CC2D2A: variants seen among roughly 807,000 people sequenced by gnomAD.
CC2D2A encodes coiled-coil and C2 domain containing 2A, also known as coiled-coil and C2 domain-containing protein 2A.
In CC2D2A, 155 loss-of-function variants were observed where a neutral mutation model predicts 212.9. That is an observed-to-expected ratio of 0.73 (90% CI 0.64 to 0.83). The LOEUF (loss-of-function observed/expected upper bound fraction) is 0.83. Ranked by LOEUF, CC2D2A falls within the 40% of genes least tolerant of loss-of-function variation. The probability of loss-of-function intolerance (pLI) is 0.00; values close to 1 mark genes in which losing one functional copy is unlikely to be tolerated. For synonymous variants in CC2D2A, 667 were observed against 686.5 expected (o/e 0.97, Z 0.44); for missense variants, 1,856 against 1,956.2 (o/e 0.95, Z 0.97).
intron 4 of CC2D2A, among the ~76,000 whole-genome samples, chr4:15,500,107 G>GTA (rs55743422): frequency 7.3e-4 from 83 of 112,944 alleles, no homozygotes; most frequent in Non-Finnish European, 1.1e-3. Flanking sequence ...GTGTGTGTGT[G>GTA]TATATATATA....
intron 4 of CC2D2A, chr4:15,492,656 A>G: frequency 1.7e-6 from 1 of 573,556 alleles, no homozygotes. Context: ...GGCGGCAGGG[A>G]CTCCTCAGCA....
intron 17 of CC2D2A, among the ~76,000 whole-genome samples, chr4:15,542,637 C>G (rs1363826713): frequency 6.6e-6 from 1 of 152,198 alleles, no homozygotes; most frequent in African/African-American, 2.4e-5. Flanking sequence ...TTTACATACT[C>G]TGTACTGACT....
intron 30 of CC2D2A, among the ~76,000 whole-genome samples, chr4:15,584,385 G>A (rs577538914): frequency 1.4e-4 from 22 of 152,198 alleles, no homozygotes; most frequent in Admixed American, 3.9e-4. Context: ...AAGGCACCAA[G>A]AACACACATT....
intron 20 of CC2D2A, among the ~76,000 whole-genome samples, chr4:15,556,902 T>C (rs1195019466): frequency 6.6e-6 from 1 of 152,238 alleles, no homozygotes; most frequent in Non-Finnish European, 1.5e-5. Context: ...TCTGAGGCCT[T>C]TATCTGCATA....
intron 33 of CC2D2A, among the ~76,000 whole-genome samples, chr4:15,592,114 T>G (rs1721132475): frequency 6.6e-6 from 1 of 152,180 alleles, no homozygotes; most frequent in Non-Finnish European, 1.5e-5. Context: ...TCATTCCTTT[T>G]CCAAGGAATA....
At chr4:15,559,059 T>G in intron 21 of CC2D2A, 106 bp from the exon 22 acceptor site, 1 of 760,452 alleles carries the variant, frequency 1.3e-6, no homozygotes, top group Non-Finnish European at 2.2e-6. Context: ...GGAAGAAATA[T>G]TTAAAACCAC....
At chr4:15,498,528 G>T (rs1715742581) in intron 4 of CC2D2A, among the ~76,000 whole-genome samples, 1 of 152,110 alleles carries the variant, frequency 6.6e-6, no homozygotes, top group African/African-American at 2.4e-5. Flanking sequence ...CACCCTCAGG[G>T]CTTGAAAGGG....
intron 8 of CC2D2A, chr4:15,511,644 A>AT (rs1316881132): frequency 2.9e-6 from 1 of 341,646 alleles, no homozygotes; most frequent in East Asian, 4.8e-5. Flanking sequence ...AAACCTGTTT[A>AT]TTTTTCTTTT....
intron 17 of CC2D2A, among the ~76,000 whole-genome samples, chr4:15,541,364 C>T (rs922901216): frequency 6.6e-6 from 1 of 151,814 alleles, no homozygotes; most frequent in South Asian, 2.1e-4. Context: ...AGTTACTGCC[C>T]CAATAATTTT....
intron 9 of CC2D2A, among the ~76,000 whole-genome samples, chr4:15,515,081 C>A (rs573783765): frequency 2.0e-5 from 3 of 152,282 alleles, no homozygotes; most frequent in Admixed American, 6.5e-5. Flanking sequence ...GAAGATATAC[C>A]AGAGTACTGT....
chr4:15,567,895 C>T (rs1719967988), intron 26 of CC2D2A, 109 bp downstream of exon 26: 1 of 723,454 alleles, frequency 1.4e-6, no homozygotes, highest in Non-Finnish European at 2.2e-6. Context: ...TAGTGAGCGG[C>T]AACAAGATCC....
chr4:15,502,146 CTTAGT>C (rs1205058786), intron 4 of CC2D2A, among the ~76,000 whole-genome samples: 3 of 152,152 alleles, frequency 2.0e-5, no homozygotes, highest in Admixed American at 2.0e-4. Flanking sequence ...TCATTTCATT[CTTAGT>C]TAAGTCAAGA....
chr4:15,479,897 G>C (rs901966693), intron 3 of CC2D2A, among the ~76,000 whole-genome samples: 1 of 152,224 alleles, frequency 6.6e-6, no homozygotes, highest in Non-Finnish European at 1.5e-5. Context: ...GGATGGAGAA[G>C]GGAATATAAC....
Position 15,570,419 on chromosome 4 carries a change from G to A in CC2D2A, c.3517G>A (p.Gly1173Arg), listed in dbSNP as rs1189126826. Reference protein sequence around the residue: ...VLEDDRERGSGIHTRIERHWL... With the variant: ...VLEDDRERGSRIHTRIERHWL... ...TTAGGATGACCGTGAAAGAGGAAGT[G>A]GAATCCATACTCGTATTGAGAGACA... The change falls in exon 28 of 37, where the codon GGA (glycine) becomes AGA (arginine). Residue 1173 changes from glycine to arginine, a missense_variant. By Grantham distance (125) the Gly-to-Arg change is moderately radical. Around this residue, in one of 5 missense-constraint regions of CC2D2A, gnomAD observed 1,512 missense variants for 1,579.3 expected, o/e 0.96. Transcript: ENST00000424120. 6.2e-7 allele frequency: 1 copy of A among 1,603,512 alleles called. No homozygotes were observed. The highest frequency in any genetic ancestry group is 8.5e-7 in the Non-Finnish European group (1 of 1,172,994).
At chr4:15,479,363 G>T in intron 3 of CC2D2A, 1 of 1,460,722 alleles carries the variant, frequency 6.8e-7, no homozygotes, top group African/African-American at 1.4e-5. Flanking sequence ...CTCTGAGAAG[G>T]GAGGCAGGGA....
chr4:15,470,685 CTCTCTA>C (rs58500406), intron 1 of CC2D2A, among the ~76,000 whole-genome samples: 4 of 40,564 alleles, frequency 9.9e-5, no homozygotes, highest in Non-Finnish European at 1.0e-4. Context: ...CTCTCTCTCT[CTCTCTA>C]TATATATATA....
intron 30 of CC2D2A, among the ~76,000 whole-genome samples, chr4:15,580,864 C>T (rs1260045255): frequency 6.6e-6 from 1 of 152,238 alleles, no homozygotes; most frequent in East Asian, 1.9e-4. Context: ...ACGCCTAATG[C>T]TATATGCATC....
Position 15,499,211 on chromosome 4 carries a change from A to C in CC2D2A, c.248-3218A>C, listed in dbSNP as rs537955368. Among the ~76,000 whole-genome samples the C allele has an allele frequency of 3.3e-5, 5 of 152,316 alleles. No homozygotes were observed. The South Asian group carries it at 1.0e-3, about 32-fold the overall frequency. On this transcript the variant is annotated intron_variant, in intron 4 of 36. Coordinates refer to ENST00000424120, the MANE Select transcript of CC2D2A (RefSeq NM_001378615.1). The stretch of plus-strand genomic sequence containing the variant: ...TATGTGTCATTATAAGCTTTATCCA[A>C]ATCTGTAGAATATACAGCACCAAAA...
rs16892050 is a variant in CC2D2A at position 15,492,544 on chromosome 4, G to A, written c.248-9885G>A. Among the ~76,000 whole-genome samples the A allele has an allele frequency of 7.8e-3, 1,175 of 149,842 alleles. 7 individuals carry two copies. The highest frequency in any genetic ancestry group is 0.014 in the Non-Finnish European group (912 of 67,498). The stretch of plus-strand genomic sequence containing the variant: ...TTTTTTGAGCACAGGGGACTTTATT[G>A]ATTGTACATGACAAAGTGGGGCTCC... On this transcript the variant is annotated intron_variant, in intron 4 of 36. Coordinates refer to ENST00000424120, the MANE Select transcript of CC2D2A (RefSeq NM_001378615.1).
Sources: gnomAD v4.1 joint callset for allele counts (sites outside exome capture counted in the v4.1 genomes callset) on GRCh38, gnomAD v4.1.1 for gene constraint, gnomAD v4.1.1 regional missense constraint, MANE v1.5 for transcripts, NCBI Gene and HGNC (gene_info 2026-07-23, HGNC 2026-07-21) for gene names.